Variants in ADAMTS2 observed in about 807,000 individuals in gnomAD.
ADAMTS2 encodes the protein A disintegrin and metalloproteinase with thrombospondin motifs 2.
A neutral mutation model predicts 123.0 loss-of-function variants in ADAMTS2; 50 were observed. The observed-to-expected ratio is 0.41, with a 90% CI of 0.32 to 0.51. The LOEUF is 0.51. Among genes scored for constraint, ADAMTS2 ranks in the 20% least tolerant of loss-of-function variants. The probability of loss-of-function intolerance (pLI) is 0.35; values close to 1 mark genes in which losing one functional copy is unlikely to be tolerated. For missense variants in ADAMTS2, 1,494 were observed against 1,705.2 expected, an observed-to-expected ratio of 0.88 and a Z score of 2.18; for synonymous variants, 678 against 695.4, an observed-to-expected ratio of 0.98 and a Z score of 0.39.
intron 2 of ADAMTS2, among the ~76,000 whole-genome samples, chr5:179,338,601 A>T (rs1388853860): frequency 6.6e-6 from 1 of 152,124 alleles, no homozygotes; most frequent in African/African-American, 2.4e-5. Flanking sequence ...CTCATTCCAG[A>T]CCAGCAGAGC....
intron 3 of ADAMTS2, among the ~76,000 whole-genome samples, chr5:179,217,333 G>A (rs1306950130): frequency 6.6e-6 from 1 of 152,240 alleles, no homozygotes; most frequent in Non-Finnish European, 1.5e-5. Flanking sequence ...CAACACTCAT[G>A]TTGCAAAAAT....
chr5:179,201,160 A>C (rs1182648762), intron 4 of ADAMTS2, among the ~76,000 whole-genome samples: 1 of 152,152 alleles, frequency 6.6e-6, no homozygotes, highest in East Asian at 1.9e-4. Flanking sequence ...AATAGATGAA[A>C]CCATAACAGA....
At chr5:179,278,827 CACA>C (rs1166444139) in intron 2 of ADAMTS2, among the ~76,000 whole-genome samples, 3 of 151,832 alleles carry the variant, frequency 2.0e-5, no homozygotes, top group African/African-American at 7.3e-5. Context: ...TGGTGAGTTA[CACA>C]ACGCCTGCCC....
At chr5:179,236,907 G>A (rs977768728) in intron 3 of ADAMTS2, among the ~76,000 whole-genome samples, 3 of 152,236 alleles carry the variant, frequency 2.0e-5, no homozygotes, top group Admixed American at 2.0e-4. Context: ...GGCCTTTGGG[G>A]GGTAATTAGG....
At chr5:179,182,028 C>G (rs1764062789) in intron 4 of ADAMTS2, among the ~76,000 whole-genome samples, 1 of 152,178 alleles carries the variant, frequency 6.6e-6, no homozygotes. Context: ...AGCCCCCTTC[C>G]TGTCACCTCC....
chr5:179,209,642 G>A (rs923150103), intron 3 of ADAMTS2, among the ~76,000 whole-genome samples: 23 of 151,552 alleles, frequency 1.5e-4, no homozygotes, highest in Admixed American at 1.4e-3. Context: ...GGCCACTCCA[G>A]GGACAGGGGT....
chr5:179,155,455 T>C lies in ADAMTS2; in HGVS notation c.1133-536A>G, dbSNP rs1335670695. 6.6e-6 allele frequency among the ~76,000 whole-genome samples: 1 copy of C among 152,130 alleles called. No homozygotes were observed. Among genetic ancestry groups the C allele is most frequent in the Non-Finnish European group, 1.5e-5 (1 of 68,028 alleles). ...GAGACCCTAGCTAGACCTGTTTCCA[T>C]AATGCCGCAGAAGGCTGCAAAGCTG... On this transcript the variant is annotated intron_variant, in intron 6 of 21. Transcript: ENST00000251582. The surrounding 1 kb of genome is among the most constrained non-coding windows in gnomAD (Gnocchi z 5.1).
chr5:179,163,035 A>G (rs1344797145), intron 5 of ADAMTS2, among the ~76,000 whole-genome samples: 1 of 152,188 alleles, frequency 6.6e-6, no homozygotes, highest in African/African-American at 2.4e-5. Context: ...CCAGAAAGAC[A>G]TGCCCCAATA....
chr5:179,211,089 C>T (rs1180346161), intron 3 of ADAMTS2, among the ~76,000 whole-genome samples: 2 of 152,252 alleles, frequency 1.3e-5, no homozygotes, highest in Non-Finnish European at 2.9e-5. Context: ...CACTGGTTGC[C>T]TACCTGGTCT....
At position 179,115,240 on chromosome 5, in the gene ADAMTS2, G is replaced by A. The variant is rs3822591; in HGVS notation, c.3179-916C>T. On this transcript the variant is annotated intron_variant, in intron 21 of 21. Coordinates refer to ENST00000251582, the MANE Select transcript of ADAMTS2 (RefSeq NM_014244.5). This position sits in a 1 kb window ranked among gnomAD's most constrained non-coding sequence, Gnocchi z 4.4. Reference sequence around the variant, plus strand: ...CTGGCCCATCTCGACCTCTGTCTGCGGCTATGTTCATTCAACCCATCAACT... The same window carrying A: ...CTGGCCCATCTCGACCTCTGTCTGCAGCTATGTTCATTCAACCCATCAACT... 0.49 allele frequency among the ~76,000 whole-genome samples: 73,632 copies of A among 151,756 alleles called. 19,011 individuals carry two copies. The highest frequency in any genetic ancestry group is 0.68 in the African/African-American group (27,996 of 41,404).
intron 5 of ADAMTS2, among the ~76,000 whole-genome samples, chr5:179,165,603 G>T (rs1763682597): frequency 6.6e-6 from 1 of 152,166 alleles, no homozygotes; most frequent in African/African-American, 2.4e-5. Context: ...TTACAGGGCA[G>T]CCAGTCCCTC....
chr5:179,302,460 G>A (rs981058142), intron 2 of ADAMTS2, among the ~76,000 whole-genome samples: 2 of 150,998 alleles, frequency 1.3e-5, no homozygotes, highest in African/African-American at 2.4e-5. Flanking sequence ...GATTCTCTGC[G>A]GAGGCAGAGC....
intron 2 of ADAMTS2, among the ~76,000 whole-genome samples, chr5:179,337,917 G>A (rs1757663490): frequency 6.6e-6 from 1 of 151,556 alleles, no homozygotes; most frequent in Non-Finnish European, 1.5e-5. Context: ...GAGCCTCACA[G>A]CAGGCCTGGG....
intron 5 of ADAMTS2, among the ~76,000 whole-genome samples, chr5:179,176,233 G>A (rs1397243218): frequency 6.6e-6 from 1 of 152,154 alleles, no homozygotes. Context: ...GGAGTGCCCT[G>A]TGAGGGGCTA....
chr5:179,327,058 G>T (rs1581279032), intron 2 of ADAMTS2, among the ~76,000 whole-genome samples: 1 of 152,200 alleles, frequency 6.6e-6, no homozygotes, highest in Non-Finnish European at 1.5e-5. Context: ...CTTCTAGAGG[G>T]TTCCATCCTT....
intron 4 of ADAMTS2, among the ~76,000 whole-genome samples, chr5:179,199,475 C>T (rs190839095): frequency 1.2e-4 from 19 of 152,312 alleles, no homozygotes; most frequent in African/African-American, 3.4e-4. Context: ...TGGGATTGGC[C>T]GTGGCCATAC....
At position 179,317,769 on chromosome 5, in the gene ADAMTS2, G is replaced by A. The variant is rs1757043231; in HGVS notation, c.534+25998C>T. On this transcript the variant is annotated intron_variant, in intron 2 of 21. Transcript: ENST00000251582. This position sits in a 1 kb window ranked among gnomAD's most constrained non-coding sequence, Gnocchi z 4.9. ...GGAGGTTAGCGTGCCAGCACCAGCTGAGACTCCCTGGCCAGACTCATCGCC... is the reference window on the plus strand; with the variant it reads ...GGAGGTTAGCGTGCCAGCACCAGCTAAGACTCCCTGGCCAGACTCATCGCC... Among the ~76,000 whole-genome samples, 1 of 152,232 alleles carries A rather than the reference G, an allele frequency of 6.6e-6. No individual in the cohort carries two copies. The highest frequency in any genetic ancestry group is 2.4e-5 in the African/African-American group (1 of 41,452).
rs114071325 is a variant in ADAMTS2, at chr5:179,118,609, A to G, written c.3178+3052T>C. 8.3e-3 allele frequency among the ~76,000 whole-genome samples: 1,264 copies of G among 152,302 alleles called. 14 individuals carry two copies. Among genetic ancestry groups the G allele is most frequent in the African/African-American group, 0.029 (1,206 of 41,554 alleles). ...TTACACTTAAAATTTGTTTTAGAAG[A>G]CCTTATACTATTACCACTCATGGAA... On this transcript the variant is annotated intron_variant, in intron 21 of 21. Transcript: ENST00000251582. The surrounding 1 kb of genome is among the most constrained non-coding windows in gnomAD (Gnocchi z 4.5).
intron 12 of ADAMTS2, among the ~76,000 whole-genome samples, chr5:179,136,951 C>A (rs1763076244): frequency 6.6e-6 from 1 of 151,066 alleles, no homozygotes; most frequent in Non-Finnish European, 1.5e-5. Flanking sequence ...GCCTGGGCAA[C>A]AGAGTGAGAC....
Sources: allele counts gnomAD v4.1 joint callset (sites outside exome capture counted in the v4.1 genomes callset), GRCh38; gene constraint gnomAD v4.1.1; non-coding constraint Gnocchi (gnomAD v3.1); transcripts MANE v1.5; gene names NCBI Gene and HGNC (gene_info 2026-07-23, HGNC 2026-07-21).